Variants in COBLL1 observed in about 807,000 individuals in gnomAD.
COBLL1 encodes cordon-bleu protein-like 1.
A neutral mutation model predicts 94.8 loss-of-function variants in COBLL1; 50 were observed. The ratio of observed to expected loss-of-function variants is 0.53; its 90% confidence interval spans 0.42 to 0.67. The LOEUF (loss-of-function observed/expected upper bound fraction) is 0.67. Among genes scored for constraint, COBLL1 ranks in the 30% least tolerant of loss-of-function variants. The pLI is 0.00. For missense variants in COBLL1, 1,362 were observed against 1,348.7 expected (o/e 1.01, Z -0.15); for synonymous variants, 448 against 473.8 (o/e 0.95, Z 0.71).
intron 7 of COBLL1, among the ~76,000 whole-genome samples, chr2:164,708,214 C>G (rs1327629871): frequency 6.6e-6 from 1 of 152,198 alleles, no homozygotes; most frequent in Non-Finnish European, 1.5e-5. Context: ...CATCCCATTA[C>G]TCTGATTCCT....
chr2:164,821,731 A>G (rs1685177357), intron 2 of COBLL1, among the ~76,000 whole-genome samples: 1 of 152,204 alleles, frequency 6.6e-6, no homozygotes, highest in African/African-American at 2.4e-5. Flanking sequence ...TGTGCTCACT[A>G]TCTCTGCATC....
chr2:164,774,295 A>G (rs1370027348), intron 2 of COBLL1, among the ~76,000 whole-genome samples: 2 of 152,150 alleles, frequency 1.3e-5, no homozygotes, highest in East Asian at 1.9e-4. Context: ...GCCCAGGGCA[A>G]ACATCATTTT....
intron 2 of COBLL1, among the ~76,000 whole-genome samples, chr2:164,805,325 C>CTATATA (rs1185358869): frequency 1.4e-3 from 45 of 31,494 alleles, no homozygotes; most frequent in Non-Finnish European, 2.1e-3. Flanking sequence ...CTCTCTCTCT[C>CTATATA]TCTCTCTCTC....
intron 2 of COBLL1, among the ~76,000 whole-genome samples, chr2:164,795,010 T>C (rs554221798): frequency 4.6e-4 from 70 of 152,314 alleles, no homozygotes; most frequent in African/African-American, 1.6e-3. Flanking sequence ...TGAGAAATAC[T>C]TATCACAATG....
intron 2 of COBLL1, among the ~76,000 whole-genome samples, chr2:164,744,660 T>C (rs957385698): frequency 2.0e-5 from 3 of 152,098 alleles, no homozygotes; most frequent in African/African-American, 4.8e-5. Flanking sequence ...TCTCAAAGAA[T>C]GAAAGCAAGA....
chr2:164,823,137 G>A (rs1685263604), intron 2 of COBLL1, among the ~76,000 whole-genome samples: 1 of 152,110 alleles, frequency 6.6e-6, no homozygotes, highest in Admixed American at 6.5e-5. Flanking sequence ...ACACTGCCCT[G>A]GTGGTTGTTC....
chr2:164,815,191 G>A (rs1166233994), intron 2 of COBLL1, among the ~76,000 whole-genome samples: 1 of 152,060 alleles, frequency 6.6e-6, no homozygotes, highest in Non-Finnish European at 1.5e-5. Flanking sequence ...CTTGAGGTCA[G>A]GAGTTTGAGA....
chr2:164,796,241 A>T (rs568872509), intron 2 of COBLL1, among the ~76,000 whole-genome samples: 13 of 152,242 alleles, frequency 8.5e-5, no homozygotes, highest in Admixed American at 6.5e-5. Flanking sequence ...AATGCAAAGC[A>T]AAGTCCCAAA....
chr2:164,828,329 T>C (rs1320200515), intron 2 of COBLL1, among the ~76,000 whole-genome samples: 2 of 152,200 alleles, frequency 1.3e-5, no homozygotes, highest in Admixed American at 6.5e-5. Context: ...CTTTTCCTTT[T>C]AGGGTTTCAC....
In COBLL1 at chr2:164,694,554, G is replaced by A. The variant is rs368582636; in HGVS notation, c.2838C>T (p.Ala946=). Residue 946 remains alanine (A), a synonymous_variant, in exon 12 of 14, where the codon GCC becomes GCT. Transcript: ENST00000652658. ...GTTTTGGAGCTATGGGAGGAGGGGA[G>A]GCTTCAGCAGGAGCCTGACCGATGA... ...DDVIGQAPAE[A]SPPPIAPKPV... The A allele has an allele frequency of 5.6e-6, 9 of 1,613,960 alleles. No homozygotes were observed. The East Asian group carries it at 2.0e-4, about 36-fold the overall frequency.
In COBLL1 at chr2:164,685,935, C is replaced by A; in HGVS notation, c.*11G>T. ...GTGGAAGTGAAGTGCAGTGGTGTGG[C>A]AGGGTAACATTTAATGGCCGTCCTG... is the stretch of plus-strand genomic sequence containing the variant. On this transcript the variant is annotated 3_prime_UTR_variant, in exon 14 of 14. Transcript: ENST00000652658. 1 of 1,560,870 alleles carries A rather than the reference C, an allele frequency of 6.4e-7. No individual in the cohort carries two copies.
At chr2:164,816,832 C>A (rs1192822416) in intron 2 of COBLL1, among the ~76,000 whole-genome samples, 1 of 152,094 alleles carries the variant, frequency 6.6e-6, no homozygotes, top group Non-Finnish European at 1.5e-5. Context: ...TGAAACACAA[C>A]AGCCAAGGTC....
At chr2:164,830,288 A>G (rs1308099983) in intron 2 of COBLL1, among the ~76,000 whole-genome samples, 1 of 152,206 alleles carries the variant, frequency 6.6e-6, no homozygotes, top group Non-Finnish European at 1.5e-5. Context: ...CTTTACAGTA[A>G]TATATGGAAA....
intron 3 of COBLL1, among the ~76,000 whole-genome samples, chr2:164,734,405 C>T (rs1051671848): frequency 2.0e-5 from 3 of 152,106 alleles, no homozygotes; most frequent in Non-Finnish European, 2.9e-5. Context: ...AAACAATAGG[C>T]ATGAAATCAG....
At chr2:164,719,664 C>A (rs1410805374) in intron 7 of COBLL1, among the ~76,000 whole-genome samples, 2 of 152,114 alleles carry the variant, frequency 1.3e-5, no homozygotes, top group East Asian at 3.9e-4. Context: ...TTTGAGCCCA[C>A]CTCAAATCCA....
intron 1 of COBLL1, among the ~76,000 whole-genome samples, chr2:164,671,783 T>C (rs1202593042): frequency 6.6e-6 from 1 of 152,046 alleles, no homozygotes; most frequent in African/African-American, 2.4e-5. Context: ...CTTAGGACAG[T>C]TCTGACTGGA....
rs554994774 is a variant in COBLL1 at position 164,662,157 on chromosome 2, A to G, written n.181+3690T>C. On this transcript the variant is annotated intron_variant and non_coding_transcript_variant, in intron 2 of 2. Coordinates refer to the COBLL1 transcript ENST00000495084. The stretch of plus-strand genomic sequence containing the variant: ...AGATGGAGCCAGAAGTCGAGTTAAC[A>G]TCTAAAAAACATACACTTGCTAGTG... Among the ~76,000 whole-genome samples the G allele has an allele frequency of 7.0e-4, 107 of 152,348 alleles. No individual in the cohort carries two copies. The Middle Eastern group carries it at 0.024, about 34-fold the overall frequency.
rs71393632 is a variant in COBLL1 at position 164,683,005 on chromosome 2, T to TACACACACACACACACACAC, written c.*2921_*2940dup. The TACACACACACACACACACAC allele has an allele frequency of 7.2e-6, 1 of 138,820 alleles. No individual in the cohort carries two copies. The highest frequency in any genetic ancestry group is 2.6e-5 in the African/African-American group (1 of 38,044). The allele number at this position is 138,820 out of a possible 1,614,324, so 8.6% of individuals were successfully genotyped here. ...CTCCTTTCATGTTAAGAAACACACA[T>TACACACACACACACACACAC]ACACACACACACACACACACACACA... On this transcript the variant is annotated 3_prime_UTR_variant, in exon 14 of 14. Coordinates refer to ENST00000652658, the MANE Select transcript of COBLL1 (RefSeq NM_001365672.2).
chr2:164,830,300 TG>T (rs375727633), intron 2 of COBLL1, among the ~76,000 whole-genome samples: 121 of 152,312 alleles, frequency 7.9e-4, no homozygotes, highest in African/African-American at 2.8e-3. Context: ...ATATGGAAAC[TG>T]TGAATGTCCC....
Sources: gnomAD v4.1 joint callset for allele counts (sites outside exome capture counted in the v4.1 genomes callset) on GRCh38, gnomAD v4.1.1 for gene constraint, MANE v1.5 for transcripts, NCBI Gene and HGNC (gene_info 2026-07-23, HGNC 2026-07-21) for gene names.